ACYP2: variants seen among roughly 807,000 people sequenced by gnomAD.
ACYP2 encodes acylphosphatase 2.
In ACYP2, 12 loss-of-function variants were observed where a neutral mutation model predicts 11.2. The observed-to-expected ratio is 1.08, with a 90% CI of 0.69 to 1.74. The LOEUF is 1.74. ACYP2 is among the 40% of genes most tolerant of loss of function. The probability of loss-of-function intolerance (pLI) is 0.00; values close to 1 mark genes in which losing one functional copy is unlikely to be tolerated. For synonymous variants in ACYP2, 43 were observed against 32.2 expected, an observed-to-expected ratio of 1.33 and a Z score of -1.13; for missense variants, 134 against 101.9, an observed-to-expected ratio of 1.31 and a Z score of -1.35.
chr2:54,115,761 G>C lies in ACYP2; in HGVS notation c.278-19692G>C, dbSNP rs199917228. ...AGGTGTTCGGAAGAGTGCAGGGTAG[G>C]AGGCCCCTCTACGGTGGGAGATCAA... is the stretch of plus-strand genomic sequence containing the variant. On this transcript the variant is annotated intron_variant, in intron 4 of 6. Transcript: ENST00000607452. 1.2e-6 allele frequency: 2 copies of C among 1,602,952 alleles called. No individual in the cohort carries two copies. The highest frequency in any genetic ancestry group is 1.7e-6 in the Non-Finnish European group (2 of 1,175,280).
intron 2 of ACYP2, among the ~76,000 whole-genome samples, chr2:54,018,340 G>T (rs1673809298): frequency 6.6e-6 from 1 of 152,166 alleles, no homozygotes; most frequent in Non-Finnish European, 1.5e-5. Context: ...CCATACTTGA[G>T]AGCCGCTGGT....
At chr2:54,112,129 C>A (rs1679491915) in intron 4 of ACYP2, among the ~76,000 whole-genome samples, 1 of 152,112 alleles carries the variant, frequency 6.6e-6, no homozygotes, top group South Asian at 2.1e-4. Context: ...GGTGCCTGGT[C>A]ATCTTTTACA....
intron 6 of ACYP2, among the ~76,000 whole-genome samples, chr2:54,240,997 T>C (rs1018493689): frequency 1.3e-5 from 2 of 152,224 alleles, no homozygotes; most frequent in African/African-American, 2.4e-5. Context: ...GTAAAGTCTT[T>C]GCTTATAATC....
intron 6 of ACYP2, among the ~76,000 whole-genome samples, chr2:54,202,853 A>G (rs886292586): frequency 6.6e-6 from 1 of 150,534 alleles, no homozygotes; most frequent in Non-Finnish European, 1.5e-5. Context: ...CCTGGCTCAG[A>G]CAGTCTTGAT....
intron 6 of ACYP2, among the ~76,000 whole-genome samples, chr2:54,221,474 A>T (rs988443962): frequency 2.0e-5 from 3 of 149,552 alleles, no homozygotes; most frequent in East Asian, 4.0e-4. Context: ...ATTATTTGAG[A>T]GTTTTTCTTG....
chr2:54,088,244 G>A (rs564280294), intron 4 of ACYP2, among the ~76,000 whole-genome samples: 72 of 152,240 alleles, frequency 4.7e-4, no homozygotes, highest in Middle Eastern at 3.4e-3. Context: ...CTCAGAAGAG[G>A]CCCAGAGAGA....
At chr2:54,010,789 C>A (rs1673323878) in intron 2 of ACYP2, among the ~76,000 whole-genome samples, 1 of 136,138 alleles carries the variant, frequency 7.3e-6, no homozygotes. Flanking sequence ...TCACCTCAGC[C>A]TCCTGAGTAG....
intron 2 of ACYP2, among the ~76,000 whole-genome samples, chr2:54,009,362 C>T (rs1352802622): frequency 6.6e-6 from 1 of 151,920 alleles, no homozygotes; most frequent in African/African-American, 2.4e-5. Context: ...AGTTTGAGCC[C>T]AGCCTGGCCA....
At chr2:54,015,482 A>G (rs971176296) in intron 2 of ACYP2, among the ~76,000 whole-genome samples, 12 of 131,452 alleles carry the variant, frequency 9.1e-5, no homozygotes, top group Admixed American at 3.2e-4. Flanking sequence ...TTCTCCAGGG[A>G]AAAAAAAAAT....
chr2:54,269,015 T>C (rs747463546), intron 6 of ACYP2, among the ~76,000 whole-genome samples: 1 of 152,214 alleles, frequency 6.6e-6, no homozygotes, highest in Admixed American at 6.5e-5. Context: ...ATCTTACTTA[T>C]AAATGTATCC....
intron 4 of ACYP2, among the ~76,000 whole-genome samples, chr2:54,108,279 T>G (rs1342907996): frequency 2.6e-5 from 4 of 152,146 alleles, no homozygotes; most frequent in Non-Finnish European, 2.9e-5. Flanking sequence ...GCTTTAAACT[T>G]CCCAGCCCTA....
At chr2:54,131,433 A>T (rs1015372841) in intron 4 of ACYP2, among the ~76,000 whole-genome samples, 1 of 152,232 alleles carries the variant, frequency 6.6e-6, no homozygotes, top group African/African-American at 2.4e-5. Flanking sequence ...GCATGTTGTC[A>T]GTTTCCCTCT....
intron 6 of ACYP2, among the ~76,000 whole-genome samples, chr2:54,160,798 G>C (rs554638707): frequency 6.6e-6 from 1 of 152,300 alleles, no homozygotes; most frequent in South Asian, 2.1e-4. Flanking sequence ...AGGCCAGGGA[G>C]TGACACAATA....
intron 4 of ACYP2, among the ~76,000 whole-genome samples, chr2:54,120,933 C>G (rs944732296): frequency 6.6e-6 from 1 of 152,172 alleles, no homozygotes; most frequent in Non-Finnish European, 1.5e-5. Context: ...TTCATTTCTG[C>G]TGTCTGCAGC....
At chr2:54,265,203 A>G (rs1016131079) in intron 6 of ACYP2, among the ~76,000 whole-genome samples, 1 of 152,172 alleles carries the variant, frequency 6.6e-6, no homozygotes, top group Non-Finnish European at 1.5e-5. Flanking sequence ...AAGAGGTTTA[A>G]TGGACTTACA....
chr2:54,016,825 A>G (rs1673712320), intron 2 of ACYP2, among the ~76,000 whole-genome samples: 1 of 148,642 alleles, frequency 6.7e-6, no homozygotes, highest in Non-Finnish European at 1.5e-5. Flanking sequence ...TCCTGGGTTC[A>G]CGCCATTCTC....
chr2:54,156,817 C>G (rs1211904765), intron 6 of ACYP2, among the ~76,000 whole-genome samples: 1 of 152,058 alleles, frequency 6.6e-6, no homozygotes, highest in East Asian at 1.9e-4. Context: ...CAGGCACCTG[C>G]CACCCATGCC....
chr2:54,194,494 G>A (rs546892877), intron 6 of ACYP2, among the ~76,000 whole-genome samples: 154 of 152,096 alleles, frequency 1.0e-3, no homozygotes, highest in African/African-American at 3.6e-3. Flanking sequence ...CAGGAGGCAC[G>A]TTATTAAAAT....
intron 6 of ACYP2, among the ~76,000 whole-genome samples, chr2:54,265,021 T>C (rs914847518): frequency 6.6e-6 from 1 of 152,166 alleles, no homozygotes; most frequent in Non-Finnish European, 1.5e-5. Context: ...AAAGAAAATA[T>C]AGCAAACTTT....
Sources: allele counts gnomAD v4.1 joint callset (sites outside exome capture counted in the v4.1 genomes callset), GRCh38; gene constraint gnomAD v4.1.1; transcripts MANE v1.5; gene names NCBI Gene and HGNC (gene_info 2026-07-23, HGNC 2026-07-21).